LAMA2: variants seen among roughly 807,000 people sequenced by gnomAD.
LAMA2 encodes laminin subunit alpha 2, also known as laminin subunit alpha-2.
Under a neutral mutation model 364.8 loss-of-function variants are expected in LAMA2, and 269 were observed. That is an observed-to-expected ratio of 0.74 (90% CI 0.67 to 0.82). LAMA2 has a LOEUF of 0.82. Ranked by LOEUF, LAMA2 falls within the 40% of genes least tolerant of loss-of-function variation. The probability of loss-of-function intolerance (pLI) is 0.00; values close to 1 mark genes in which losing one functional copy is unlikely to be tolerated. For synonymous variants in LAMA2, 1,379 were observed against 1,370.6 expected (o/e 1.01, Z -0.14); for missense variants, 3,807 against 3,873.2 (o/e 0.98, Z 0.45).
intron 21 of LAMA2, among the ~76,000 whole-genome samples, chr6:129,299,909 A>C (rs1773444523): frequency 2.6e-5 from 4 of 152,202 alleles, no homozygotes; most frequent in Non-Finnish European, 5.9e-5. Context: ...CTTCCATTTG[A>C]ATTCAAGTAT....
intron 1 of LAMA2, among the ~76,000 whole-genome samples, chr6:129,008,072 C>T (rs901947547): frequency 2.6e-5 from 4 of 152,172 alleles, no homozygotes; most frequent in African/African-American, 9.7e-5. Flanking sequence ...AGTCAATGTA[C>T]ACCACACAGG....
intron 32 of LAMA2, among the ~76,000 whole-genome samples, chr6:129,355,671 G>A (rs1249547005): frequency 6.6e-6 from 1 of 152,098 alleles, no homozygotes; most frequent in African/African-American, 2.4e-5. Context: ...AATGTCTGCA[G>A]TGCTTGTTGT....
chr6:129,299,931 C>T (rs1277919430), intron 21 of LAMA2, among the ~76,000 whole-genome samples: 2 of 152,118 alleles, frequency 1.3e-5, no homozygotes, highest in African/African-American at 2.4e-5. Flanking sequence ...TGGGTTTCTT[C>T]CCTCACTTAC....
At chr6:129,491,181 C>G (rs1240959219) in intron 56 of LAMA2, 1 of 152,302 alleles carries the variant, frequency 6.6e-6, no homozygotes, top group Non-Finnish European at 1.5e-5. Flanking sequence ...AAACTTGCTT[C>G]CGGAACAAAA....
intron 14 of LAMA2, among the ~76,000 whole-genome samples, chr6:129,255,032 A>G (rs974514522): frequency 2.7e-5 from 4 of 146,788 alleles, no homozygotes; most frequent in African/African-American, 1.1e-4. Context: ...GGTAGAAATG[A>G]TGTATTTTTT....
rs142959130 is a variant in LAMA2 at position 129,504,762 on chromosome 6, A to G, written c.8548-438A>G. ...CTGCACAAGAAGGGCCTGTTAGGCA[A>G]AGGGATGTAGCGTATCTGAAATTGT... is the stretch of plus-strand genomic sequence containing the variant. On this transcript the variant is annotated intron_variant, in intron 60 of 64. Coordinates refer to ENST00000421865, the MANE Select transcript of LAMA2 (RefSeq NM_000426.4). 4.3e-4 allele frequency among the ~76,000 whole-genome samples: 65 copies of G among 152,364 alleles called. No individual in the cohort carries two copies. In the East Asian group the frequency reaches 0.011, roughly 25 times the overall value.
chr6:129,419,818 A>T (rs1780984742), intron 40 of LAMA2, among the ~76,000 whole-genome samples: 1 of 152,082 alleles, frequency 6.6e-6, no homozygotes, highest in Non-Finnish European at 1.5e-5. Flanking sequence ...CCAGGGACCT[A>T]CAGCCTTTTA....
Position 129,159,002 on chromosome 6 carries a change from T to C in LAMA2, c.1206+4319T>C, listed in dbSNP as rs981546010. The C allele has an allele frequency of 2.3e-5, 37 of 1,588,532 alleles. 1 individual carries two copies. The Admixed American group carries it at 2.8e-4, about 12-fold the overall frequency. On this transcript the variant is annotated intron_variant, in intron 8 of 64. Transcript: ENST00000421865. ...TACTCCATTTTCTGACTTTTTCTGG[T>C]CGGAGTCTGATTTCATCCCAGTGCC...
chr6:128,912,124 T>G lies in LAMA2; in HGVS notation c.112+28767T>G, dbSNP rs545282186. On this transcript the variant is annotated intron_variant, in intron 1 of 64. Transcript: ENST00000421865. Reference sequence around the variant, plus strand: ...TACAAGTCATGTACAAGCTTTTTTATGGACATATGTTTTCATTTGTCATGT... The same window carrying G: ...TACAAGTCATGTACAAGCTTTTTTAGGGACATATGTTTTCATTTGTCATGT... Among the ~76,000 whole-genome samples, 6 of 152,356 alleles carry G rather than the reference T, an allele frequency of 3.9e-5. No individual in the cohort carries two copies. The South Asian group carries it at 1.0e-3, about 26-fold the overall frequency.
At chr6:129,284,806 T>C (rs1441167459) in intron 18 of LAMA2, among the ~76,000 whole-genome samples, 1 of 152,038 alleles carries the variant, frequency 6.6e-6, no homozygotes, top group Non-Finnish European at 1.5e-5. Context: ...AAATTATCAA[T>C]AGCAGCAAGT....
At chr6:129,436,494 T>TC (rs1483040422) in intron 41 of LAMA2, among the ~76,000 whole-genome samples, 2 of 152,034 alleles carry the variant, frequency 1.3e-5, no homozygotes, top group African/African-American at 4.8e-5. Context: ...GTATTTTTAT[T>TC]CCCCCCTCCT....
At position 129,059,803 on chromosome 6, in the gene LAMA2, T is replaced by A. The variant is rs997399843; in HGVS notation, c.303T>A (p.Asn101Lys). 1 of 1,605,796 alleles carries A rather than the reference T, an allele frequency of 6.2e-7. No homozygotes were observed. Among genetic ancestry groups the A allele is most frequent in the Non-Finnish European group, 8.5e-7 (1 of 1,172,580 alleles). ...CAATAGAGAGACACCCGATTACAAA[T>A]GCTATTGATGGAAAGAACACTTGGT... ...SNPNQRHPIT[N>K]AIDGKNTWWQ... The change falls in exon 3 of 65, where the codon AAT (asparagine) becomes AAA (lysine). Residue 101 changes from asparagine to lysine, a missense_variant. Around this residue, in one of 3 missense-constraint regions of LAMA2, gnomAD observed 394 missense variants for 403.5 expected, o/e 0.98. Coordinates refer to ENST00000421865, the MANE Select transcript of LAMA2 (RefSeq NM_000426.4).
chr6:128,919,254 A>G (rs1778542667), intron 1 of LAMA2, among the ~76,000 whole-genome samples: 2 of 152,200 alleles, frequency 1.3e-5, no homozygotes, highest in South Asian at 4.1e-4. Flanking sequence ...TGTATGAGCC[A>G]TATACAATCA....
chr6:129,392,508 G>T (rs1018636311), intron 36 of LAMA2, among the ~76,000 whole-genome samples: 1 of 151,998 alleles, frequency 6.6e-6, no homozygotes. Flanking sequence ...TTAATGACTC[G>T]AAAATTATCA....
chr6:129,323,537 C>T (rs890517010), intron 28 of LAMA2, among the ~76,000 whole-genome samples: 1 of 151,966 alleles, frequency 6.6e-6, no homozygotes, highest in Non-Finnish European at 1.5e-5. Flanking sequence ...GCAGAAGGGG[C>T]CAGATTACCT....
chr6:129,118,174 C>A (rs544772179), intron 4 of LAMA2, among the ~76,000 whole-genome samples: 1 of 152,260 alleles, frequency 6.6e-6, no homozygotes, highest in Middle Eastern at 3.4e-3. Context: ...AATAGCTGAA[C>A]GAATGAATTA....
At position 129,491,954 on chromosome 6, in the gene LAMA2, T is replaced by C. The variant is rs1427880407; in HGVS notation, c.7952T>C (p.Val2651Ala). ...AGAAGATACATGCAAAACCTGACAG[T>C]TGAACAGCCTATCGAAGTTAAAAAG... ...ENRRYMQNLT[V>A]EQPIEVKKLF... The change falls in exon 57 of 65, where the codon GTT becomes GCT. Residue 2651 changes from valine to alanine, a missense_variant. Coordinates refer to ENST00000421865, the MANE Select transcript of LAMA2 (RefSeq NM_000426.4). The C allele has an allele frequency of 3.7e-6, 6 of 1,613,984 alleles. No homozygotes were observed. In the South Asian group the frequency reaches 5.5e-5, roughly 15 times the overall value.
At chr6:128,947,094 G>T (rs986091232) in intron 1 of LAMA2, among the ~76,000 whole-genome samples, 9 of 152,196 alleles carry the variant, frequency 5.9e-5, no homozygotes, top group Non-Finnish European at 8.8e-5. Context: ...ACATCACCCT[G>T]TTTATTCATT....
chr6:129,130,774 G>A (rs898113040), intron 4 of LAMA2, among the ~76,000 whole-genome samples: 2 of 151,988 alleles, frequency 1.3e-5, no homozygotes, highest in Admixed American at 1.3e-4. Context: ...TAAAAATAAT[G>A]CTTATTTTTA....
Sources: allele counts gnomAD v4.1 joint callset (sites outside exome capture counted in the v4.1 genomes callset), GRCh38; gene constraint gnomAD v4.1.1; regional missense constraint gnomAD v4.1.1; transcripts MANE v1.5; gene names NCBI Gene and HGNC (gene_info 2026-07-23, HGNC 2026-07-21).